TMCC3: variants seen among roughly 807,000 people sequenced by gnomAD.
TMCC3 encodes transmembrane and coiled-coil domain family 3.
In TMCC3, 28 loss-of-function variants were observed where a neutral mutation model predicts 40.2. The observed-to-expected ratio is 0.70, with a 90% CI of 0.52 to 0.95. The LOEUF (loss-of-function observed/expected upper bound fraction) is 0.95. TMCC3 is among the 40% of genes least tolerant of loss of function. TMCC3 has a pLI of 0.00. For missense variants in TMCC3, 554 were observed against 615.2 expected (o/e 0.90, Z 1.05); for synonymous variants, 255 against 248.5 (o/e 1.03, Z -0.25).
intron 1 of TMCC3, among the ~76,000 whole-genome samples, chr12:94,592,661 C>CAAACAAAAAAAAAAAAAAAAAAAAA (rs1179258894): frequency 3.6e-5 from 1 of 27,496 alleles, no homozygotes; most frequent in Non-Finnish European, 6.8e-5. Flanking sequence ...GGCTCCATCT[C>CAAACAAAAAAAAAAAAAAAAAAAAA]AAAAAAAAAA....
At chr12:94,642,258 C>T (rs1175839724) in intron 1 of TMCC3, among the ~76,000 whole-genome samples, 1 of 152,150 alleles carries the variant, frequency 6.6e-6, no homozygotes. Flanking sequence ...CATAATTTTA[C>T]TGGTTACAGT....
intron 1 of TMCC3, among the ~76,000 whole-genome samples, chr12:94,646,105 T>C (rs912006075): frequency 6.6e-6 from 1 of 152,098 alleles, no homozygotes; most frequent in Non-Finnish European, 1.5e-5. Flanking sequence ...AATGGTTCTG[T>C]AGGGAAAATA....
intron 1 of TMCC3, among the ~76,000 whole-genome samples, chr12:94,638,274 C>A (rs144299950): frequency 1.3e-5 from 2 of 152,128 alleles, no homozygotes; most frequent in African/African-American, 4.8e-5. Flanking sequence ...AGCTGAGTCA[C>A]GTGGGACATG....
chr12:94,608,550 C>A (rs1217636509), intron 1 of TMCC3, among the ~76,000 whole-genome samples: 1 of 152,050 alleles, frequency 6.6e-6, no homozygotes, highest in Admixed American at 6.6e-5. Context: ...CAATCTAACT[C>A]CTCTCTCTCC....
chr12:94,596,510 C>A (rs1386344492), intron 1 of TMCC3, among the ~76,000 whole-genome samples: 2 of 152,228 alleles, frequency 1.3e-5, no homozygotes, highest in East Asian at 1.9e-4. Context: ...CTCCCACCCC[C>A]ACGCCCAGCT....
At chr12:94,605,901 T>G (rs2068779836) in intron 1 of TMCC3, among the ~76,000 whole-genome samples, 1 of 152,124 alleles carries the variant, frequency 6.6e-6, no homozygotes, top group Non-Finnish European at 1.5e-5. Context: ...CAGATTCTCC[T>G]GAATGCAGGA....
intron 1 of TMCC3, among the ~76,000 whole-genome samples, chr12:94,593,772 ATCT>A (rs1479720911): frequency 2.6e-5 from 4 of 152,204 alleles, no homozygotes; most frequent in Admixed American, 2.6e-4. Flanking sequence ...TAAAAAATGT[ATCT>A]TTCTTCAAAA....
At chr12:94,627,063 T>C (rs952006922) in intron 1 of TMCC3, among the ~76,000 whole-genome samples, 6 of 152,088 alleles carry the variant, frequency 3.9e-5, no homozygotes, top group African/African-American at 1.4e-4. Flanking sequence ...GGTTTCACCA[T>C]GTTGGCCAGG....
At chr12:94,592,669 A>AAAAAAAAAAAAAAAAAAAAAAAAAG (rs2068685693) in intron 1 of TMCC3, among the ~76,000 whole-genome samples, 1 of 146,242 alleles carries the variant, frequency 6.8e-6, no homozygotes, top group Non-Finnish European at 1.5e-5. Context: ...CTCAAAAAAA[A>AAAAAAAAAAAAAAAAAAAAAAAAAG]AAAAAAAAAA....
At chr12:94,611,964 G>A (rs2068818960) in intron 1 of TMCC3, among the ~76,000 whole-genome samples, 1 of 152,270 alleles carries the variant, frequency 6.6e-6, no homozygotes, top group Non-Finnish European at 1.5e-5. Context: ...TGATTCCTGA[G>A]GCTAGACTGT....
chr12:94,628,327 T>C (rs2068914358), intron 1 of TMCC3, among the ~76,000 whole-genome samples: 1 of 152,132 alleles, frequency 6.6e-6, no homozygotes, highest in Non-Finnish European at 1.5e-5. Flanking sequence ...AAAGTGCTCA[T>C]CAATAAAAAA....
At chr12:94,637,996 G>A (rs1202236220) in intron 1 of TMCC3, among the ~76,000 whole-genome samples, 4 of 152,130 alleles carry the variant, frequency 2.6e-5, no homozygotes, top group Non-Finnish European at 5.9e-5. Context: ...AGGCACAGAG[G>A]GAGGCATGGG....
intron 1 of TMCC3, among the ~76,000 whole-genome samples, chr12:94,648,825 C>T (rs2069035566): frequency 6.6e-6 from 1 of 152,222 alleles, no homozygotes; most frequent in Non-Finnish European, 1.5e-5. Context: ...CAAAGAAGAT[C>T]ACAGTTGTGA....
At chr12:94,624,027 A>G (rs2068889862) in intron 1 of TMCC3, among the ~76,000 whole-genome samples, 1 of 152,262 alleles carries the variant, frequency 6.6e-6, no homozygotes, top group Admixed American at 6.5e-5. Flanking sequence ...TACAAAGATT[A>G]TAACAACTGC....
intron 1 of TMCC3, among the ~76,000 whole-genome samples, chr12:94,608,291 C>T (rs2068795250): frequency 6.6e-6 from 1 of 152,194 alleles, no homozygotes; most frequent in African/African-American, 2.4e-5. Context: ...TAGCATCTTT[C>T]ATTAAAAATG....
intron 1 of TMCC3, among the ~76,000 whole-genome samples, chr12:94,590,059 T>TGTGGTGTGGCTTC (rs1555282361): frequency 1.3e-5 from 2 of 150,792 alleles, no homozygotes; most frequent in African/African-American, 4.9e-5. Flanking sequence ...TGTCCACAGC[T>TGTGGTGTGGCTTC]CTGGAGCCAC....
rs1318182586 is a variant in TMCC3, at chr12:94,578,540, GA to G, written c.996-12del. 24 of 1,610,212 alleles carry G rather than the reference GA, an allele frequency of 1.5e-5. No homozygotes were observed. The highest frequency in any genetic ancestry group is 2.0e-5 in the Non-Finnish European group (24 of 1,177,798). On this transcript the variant is annotated splice_polypyrimidine_tract_variant and intron_variant, in intron 2 of 3. Transcript: ENST00000261226. ...TCCAGTCGCTCATACCTTTAAAAGA[GA>G]GGAGCCGATTCCCAGTGTGACCTTT...
At chr12:94,620,264 C>T (rs1180117365) in intron 1 of TMCC3, among the ~76,000 whole-genome samples, 1 of 151,202 alleles carries the variant, frequency 6.6e-6, no homozygotes. Flanking sequence ...CCCTTTAGTA[C>T]TGTGGAAATT....
intron 1 of TMCC3, among the ~76,000 whole-genome samples, chr12:94,609,201 C>T (rs1320976685): frequency 6.6e-6 from 1 of 152,064 alleles, no homozygotes; most frequent in East Asian, 1.9e-4. Context: ...ACACACCAGC[C>T]TGGGTGACAG....
Sources: gnomAD v4.1 joint callset for allele counts (sites outside exome capture counted in the v4.1 genomes callset) on GRCh38, gnomAD v4.1.1 for gene constraint, MANE v1.5 for transcripts, NCBI Gene and HGNC (gene_info 2026-07-23, HGNC 2026-07-21) for gene names.